CDKAL1: variants seen among roughly 807,000 people sequenced by gnomAD.
The protein encoded by CDKAL1 is CDKAL1 threonylcarbamoyladenosine tRNA methylthiotransferase.
CDKAL1 carries 32 observed loss-of-function variants against 68.2 expected under a neutral mutation model. The ratio of observed to expected loss-of-function variants is 0.47; its 90% CI spans 0.35 to 0.63. The LOEUF (loss-of-function observed/expected upper bound fraction) is 0.63. Ranked by LOEUF, CDKAL1 falls within the 30% of genes least tolerant of loss-of-function variation. The probability of loss-of-function intolerance (pLI) is 0.00; values close to 1 mark genes in which losing one functional copy is unlikely to be tolerated. For missense variants in CDKAL1, 606 were observed against 696.7 expected (o/e 0.87, Z 1.47); for synonymous variants, 234 against 244.3 (o/e 0.96, Z 0.39).
intron 8 of CDKAL1, among the ~76,000 whole-genome samples, chr6:20,835,029 T>A (rs12194825): frequency 0.23 from 34,340 of 152,126 alleles, 4,200 homozygotes; most frequent in African/African-American, 0.31. Context: ...GTACGTACTC[T>A]ATGATTCCAT....
intron 10 of CDKAL1, among the ~76,000 whole-genome samples, chr6:20,969,119 C>A (rs561460268): frequency 2.6e-5 from 4 of 152,084 alleles, no homozygotes; most frequent in Non-Finnish European, 5.9e-5. Flanking sequence ...ATAGTTCAGA[C>A]CTTTGAACAA....
chr6:20,803,729 C>T (rs1164984495), intron 8 of CDKAL1, among the ~76,000 whole-genome samples: 1 of 151,970 alleles, frequency 6.6e-6, no homozygotes, highest in Non-Finnish European at 1.5e-5. Context: ...TGGGGAGAAT[C>T]AGGGGAGCTG....
At chr6:20,908,434 A>G (rs1762325178) in intron 9 of CDKAL1, among the ~76,000 whole-genome samples, 1 of 152,256 alleles carries the variant, frequency 6.6e-6, no homozygotes, top group African/African-American at 2.4e-5. Context: ...TAATCAAACA[A>G]TTAAAATGAA....
chr6:20,827,647 A>T (rs1177479323), intron 8 of CDKAL1, among the ~76,000 whole-genome samples: 3 of 152,122 alleles, frequency 2.0e-5, no homozygotes, highest in African/African-American at 7.2e-5. Context: ...AGACTAAGTT[A>T]TGTGGTTCTG....
chr6:20,837,938 T>TGC (rs1778017306), intron 8 of CDKAL1, among the ~76,000 whole-genome samples: 1 of 5,714 alleles, frequency 1.8e-4, no homozygotes, highest in African/African-American at 2.6e-4. Flanking sequence ...GGGAAGAAAT[T>TGC]GTGTGTGTGT....
chr6:20,890,055 A>G (rs1761309014), intron 9 of CDKAL1, among the ~76,000 whole-genome samples: 1 of 152,172 alleles, frequency 6.6e-6, no homozygotes, highest in South Asian at 2.1e-4. Context: ...TGCCCGGGCT[A>G]CATTTCCATT....
intron 4 of CDKAL1, among the ~76,000 whole-genome samples, chr6:20,584,391 A>G (rs1261443658): frequency 6.6e-6 from 1 of 152,156 alleles, no homozygotes; most frequent in Non-Finnish European, 1.5e-5. Flanking sequence ...GAGGTGAGTT[A>G]AAATAGGAGT....
chr6:20,966,686 CTG>C (rs1765331843), intron 10 of CDKAL1, among the ~76,000 whole-genome samples: 1 of 152,072 alleles, frequency 6.6e-6, no homozygotes, highest in Non-Finnish European at 1.5e-5. Context: ...GTCATTAAGT[CTG>C]TTTCTAATAT....
At chr6:20,973,111 A>G (rs546953203) in intron 10 of CDKAL1, among the ~76,000 whole-genome samples, 49 of 152,110 alleles carry the variant, frequency 3.2e-4, no homozygotes, top group African/African-American at 1.1e-3. Flanking sequence ...ATAATGGAGT[A>G]TCATTATTTA....
At chr6:20,827,205 C>T (rs1304868686) in intron 8 of CDKAL1, among the ~76,000 whole-genome samples, 2 of 152,104 alleles carry the variant, frequency 1.3e-5, no homozygotes, top group Non-Finnish European at 2.9e-5. Context: ...ACTTAACCAG[C>T]TGTGTGATGT....
intron 11 of CDKAL1, among the ~76,000 whole-genome samples, chr6:21,043,703 G>A (rs1028010777): frequency 5.3e-5 from 8 of 151,940 alleles, no homozygotes; most frequent in African/African-American, 1.7e-4. Context: ...TGTCGTATTC[G>A]GTTTATTTAT....
intron 5 of CDKAL1, among the ~76,000 whole-genome samples, chr6:20,707,698 C>T (rs532907700): frequency 6.6e-6 from 1 of 152,216 alleles, no homozygotes; most frequent in Non-Finnish European, 1.5e-5. Flanking sequence ...GAATAACTGA[C>T]TATTCCTCAT....
chr6:21,188,741 C>T (rs1441640477), intron 13 of CDKAL1, among the ~76,000 whole-genome samples: 1 of 152,044 alleles, frequency 6.6e-6, no homozygotes, highest in Non-Finnish European at 1.5e-5. Context: ...TTTGTGCCGG[C>T]TCTGTGATAG....
At chr6:20,617,041 AAG>A (rs1491384596) in intron 4 of CDKAL1, among the ~76,000 whole-genome samples, 480 of 21,662 alleles carry the variant, frequency 0.022, 12 homozygotes, top group African/African-American at 0.041. Context: ...TCTGTCTCAG[AAG>A]AAAAAAAAAA....
At chr6:21,003,367 T>TACACACACACAC (rs1483081425) in intron 11 of CDKAL1, among the ~76,000 whole-genome samples, 1 of 65,680 alleles carries the variant, frequency 1.5e-5, no homozygotes, top group African/African-American at 8.7e-5. Context: ...TATATATATA[T>TACACACACACAC]ATATACACAC....
chr6:21,059,292 C>T (rs771832817), intron 11 of CDKAL1, among the ~76,000 whole-genome samples: 1 of 152,242 alleles, frequency 6.6e-6, no homozygotes, highest in African/African-American at 2.4e-5. Context: ...ACTGATGCTG[C>T]AGTTGCAGTG....
At chr6:21,093,837 T>C (rs774025841) in intron 12 of CDKAL1, among the ~76,000 whole-genome samples, 83 of 146,180 alleles carry the variant, frequency 5.7e-4, no homozygotes, top group South Asian at 9.0e-4. Flanking sequence ...TCCTCCCACC[T>C]CCCACCTTAG....
intron 11 of CDKAL1, among the ~76,000 whole-genome samples, chr6:21,041,804 A>T (rs1769947893): frequency 6.6e-6 from 1 of 152,166 alleles, no homozygotes; most frequent in Admixed American, 6.6e-5. Flanking sequence ...AGTCTGGTAA[A>T]ATCACGTAAC....
intron 8 of CDKAL1, among the ~76,000 whole-genome samples, chr6:20,822,750 C>T (rs1364859078): frequency 6.6e-6 from 1 of 152,218 alleles, no homozygotes; most frequent in East Asian, 1.9e-4. Flanking sequence ...TCACTCAGCC[C>T]TTCTCCTTCC....
Sources: allele counts gnomAD v4.1 joint callset (sites outside exome capture counted in the v4.1 genomes callset), GRCh38; gene constraint gnomAD v4.1.1; transcripts MANE v1.5; gene names NCBI Gene and HGNC (gene_info 2026-07-23, HGNC 2026-07-21).